HSP90B1: variants seen among roughly 807,000 people sequenced by gnomAD.
The protein encoded by HSP90B1 is heat shock protein 90 beta family member 1, also known as endoplasmin.
Under a neutral mutation model 100.4 loss-of-function variants are expected in HSP90B1, and 27 were observed. The ratio of observed to expected loss-of-function variants is 0.27; its 90% CI spans 0.20 to 0.37. HSP90B1 has a LOEUF of 0.37. HSP90B1 is among the 10% of genes least tolerant of loss of function. The pLI, the probability that HSP90B1 is intolerant of heterozygous loss-of-function variation, is 1.00. For synonymous variants in HSP90B1, 304 were observed against 330.8 expected (o/e 0.92, Z 0.88); for missense variants, 678 against 960.5 (o/e 0.71, Z 3.89).
chr12:103,932,447 T>A (rs1191741932), intron 3 of HSP90B1, 29 bp downstream of exon 3: 1 of 1,583,128 alleles, frequency 6.3e-7, no homozygotes, highest in Non-Finnish European at 8.6e-7. Flanking sequence ...GAATATTTTA[T>A]CTCTGTATGG....
rs750473424 is a variant in HSP90B1 at position 103,943,770 on chromosome 12, A to C, written c.1923A>C (p.Thr641=). The stretch of plus-strand genomic sequence containing the variant: ...AGGCTGTGGTGTCTCAGCGCCTGAC[A>C]GAATCTCCGTGTGCTTTGGTGGCCA... ...IEKAVVSQRL[T]ESPCALVASQ... is the part of the protein sequence containing the mutation. Residue 641 remains threonine, a synonymous_variant, in exon 14 of 18, where the codon ACA becomes ACC. Transcript: ENST00000299767. This position sits in a 1 kb window ranked among gnomAD's most constrained non-coding sequence, Gnocchi z 5.3. The C allele has an allele frequency of 6.2e-7, 1 of 1,614,098 alleles. No homozygotes were observed. Among genetic ancestry groups the C allele is most frequent in the Non-Finnish European group, 8.5e-7 (1 of 1,180,004 alleles).
At position 103,941,399 on chromosome 12, in the gene HSP90B1, A is replaced by G. The variant is rs377333081; in HGVS notation, c.1093-11A>G. ...TGTCGTTTGAATGACTAAGATACCA[A>G]CTTTCCACAGGAAAGTGATGACCCC... On this transcript the variant is annotated splice_polypyrimidine_tract_variant and intron_variant, in intron 8 of 17. Transcript: ENST00000299767. 457 of 1,611,384 alleles carry G rather than the reference A, an allele frequency of 2.8e-4. 2 individuals carry two copies. Among genetic ancestry groups the G allele is most frequent in the Admixed American group, 4.3e-4 (26 of 59,918 alleles).
At chr12:103,931,732 C>G (rs1022927573) in intron 2 of HSP90B1, 109 bp downstream of exon 2, 9 of 799,662 alleles carry the variant, frequency 1.1e-5, no homozygotes, top group Non-Finnish European at 1.9e-5. Context: ...GTCTAACACC[C>G]TGTATTTAAA....
At position 103,930,484 on chromosome 12, in the gene HSP90B1, G is replaced by A; in HGVS notation, c.-32G>A. ...GGGGGTGGAGGCGGCTCCTGCGATCGAAGGGGACTTGAGACTCACCGGCCG... is the reference window on the plus strand; with the variant it reads ...GGGGGTGGAGGCGGCTCCTGCGATCAAAGGGGACTTGAGACTCACCGGCCG... On this transcript the variant is annotated 5_prime_UTR_variant, in exon 1 of 18. Transcript: ENST00000299767. This position sits in a 1 kb window ranked among gnomAD's most constrained non-coding sequence, Gnocchi z 4.4. The A allele has an allele frequency of 6.3e-7, 1 of 1,588,102 alleles. No individual in the cohort carries two copies. Among genetic ancestry groups the A allele is most frequent in the Non-Finnish European group, 8.6e-7 (1 of 1,166,862 alleles).
chr12:103,942,501 A>C (rs1307510589), intron 11 of HSP90B1, 26 bp from the exon 12 acceptor site: 4 of 1,606,634 alleles, frequency 2.5e-6, no homozygotes, highest in Non-Finnish European at 2.6e-6. Context: ...AACTTCTCTA[A>C]TCAGTTATTC....
intron 11 of HSP90B1, 102 bp from the exon 12 acceptor site, chr12:103,942,425 A>T: frequency 9.6e-7 from 1 of 1,043,068 alleles, no homozygotes; most frequent in Non-Finnish European, 1.4e-6. Context: ...AATGGCAATA[A>T]CGATATCGTC....
chr12:103,936,384 A>G (rs911252878), intron 5 of HSP90B1, among the ~76,000 whole-genome samples: 1 of 152,136 alleles, frequency 6.6e-6, no homozygotes, highest in African/African-American at 2.4e-5. Flanking sequence ...GCTCATCCCT[A>G]TAATCCCAGC....
Position 103,934,195 on chromosome 12 carries a change from C to T in HSP90B1, c.651C>T (p.Asn217=), listed in dbSNP as rs373905083. 77 of 1,614,060 alleles carry T rather than the reference C, an allele frequency of 4.8e-5. No homozygotes were observed. The highest frequency in any genetic ancestry group is 3.6e-4 in the African/African-American group (27 of 74,930). ...DKVIVTSKHN[N]DTQHIWESDS... ...TTATTGTCACTTCAAAACACAACAACGATACCCAGCACATCTGGGAGTCTG... is the reference window on the plus strand; with the variant it reads ...TTATTGTCACTTCAAAACACAACAATGATACCCAGCACATCTGGGAGTCTG... Residue 217 remains asparagine, a synonymous_variant, in exon 5 of 18, where the codon AAC becomes AAT. Transcript: ENST00000299767.
intron 14 of HSP90B1, among the ~76,000 whole-genome samples, 161 bp downstream of exon 14, chr12:103,944,035 TTTGA>T (rs1198756782): frequency 6.6e-6 from 1 of 152,118 alleles, no homozygotes; most frequent in African/African-American, 2.4e-5. Context: ...TTCTCCTACA[TTTGA>T]TTGAGAAAGA....
chr12:103,937,893 G>A (rs993927252), intron 6 of HSP90B1, 87 bp downstream of exon 6: 6 of 695,032 alleles, frequency 8.6e-6, no homozygotes, highest in South Asian at 3.6e-5. Context: ...GCAGGCCGGC[G>A]CGGTGGCTCA....
At chr12:103,941,100 C>G (rs565321501) in intron 8 of HSP90B1, among the ~76,000 whole-genome samples, 1 of 152,306 alleles carries the variant, frequency 6.6e-6, no homozygotes, top group Admixed American at 6.5e-5. Context: ...TTCCTATTCA[C>G]TTCTCTCATA....
intron 15 of HSP90B1, 21 bp downstream of exon 15, chr12:103,946,717 T>C: frequency 6.2e-7 from 1 of 1,612,256 alleles, no homozygotes. Context: ...AGCAGTCCTC[T>C]TGCTTGTCTT....
At chr12:103,931,242 G>A (rs1488458667) in intron 1 of HSP90B1, among the ~76,000 whole-genome samples, 1 of 152,142 alleles carries the variant, frequency 6.6e-6, no homozygotes, top group African/African-American at 2.4e-5. Context: ...AAGAGGCCTG[G>A]TATCAGTCTG....
chr12:103,933,510 C>G (rs1869824866), intron 4 of HSP90B1, among the ~76,000 whole-genome samples: 1 of 152,244 alleles, frequency 6.6e-6, no homozygotes, highest in Non-Finnish European at 1.5e-5. Context: ...CTTAGCCATT[C>G]TTAAATGGAA....
chr12:103,938,954 T>C (rs1869998400), intron 7 of HSP90B1, among the ~76,000 whole-genome samples: 1 of 152,242 alleles, frequency 6.6e-6, no homozygotes, highest in Admixed American at 6.5e-5. Context: ...ACATTTTTGC[T>C]AGTTAAAAAA....
Position 103,947,076 on chromosome 12 carries a change from G to C in HSP90B1, c.2262+135G>C, listed in dbSNP as rs1870257335. ...TTCTACCTTTTGAAAGAATTTTATT[G>C]AATGTTTGAATCCCTGTAGTGTCAG... On this transcript the variant is annotated intron_variant, in intron 16 of 17. Transcript: ENST00000299767. 8 of 1,094,298 alleles carry C rather than the reference G, an allele frequency of 7.3e-6. No individual in the cohort carries two copies. In the Admixed American group the frequency reaches 1.3e-4, roughly 18 times the overall value. 67.8% of individuals were successfully genotyped at this position (1,094,298 alleles called of 1,614,324 possible).
intron 5 of HSP90B1, among the ~76,000 whole-genome samples, chr12:103,934,639 A>G (rs911562807): frequency 6.6e-6 from 1 of 152,250 alleles, no homozygotes; most frequent in Non-Finnish European, 1.5e-5. Context: ...GAGGCATAGC[A>G]TGCTCACTAG....
At position 103,932,049 on chromosome 12, in the gene HSP90B1, A is replaced by ATTT; in HGVS notation, c.153-219_153-217dup. 19 of 412,832 alleles carry ATTT rather than the reference A, an allele frequency of 4.6e-5. No individual in the cohort carries two copies. In the South Asian group the frequency reaches 5.0e-4, roughly 11 times the overall value. The allele number at this position is 412,832 out of a possible 1,614,324, so 25.6% of individuals were successfully genotyped here. On this transcript the variant is annotated intron_variant, in intron 2 of 17. Transcript: ENST00000299767. Reference sequence around the variant, plus strand: ...TGCTTTTTAGTAGAGGAAAGTTGGGATTTTTTTTTTTCTGGCAATTTTAAG... The same window carrying ATTT: ...TGCTTTTTAGTAGAGGAAAGTTGGGATTTTTTTTTTTTTTCTGGCAATTTTAAG...
At chr12:103,934,323 C>A in intron 5 of HSP90B1, 36 bp downstream of exon 5, 1 of 1,497,560 alleles carries the variant, frequency 6.7e-7, no homozygotes, top group South Asian at 1.2e-5. Context: ...AATTAATAGT[C>A]ATGGTGAGGA....
Sources: gnomAD v4.1 joint callset for allele counts (sites outside exome capture counted in the v4.1 genomes callset) on GRCh38, gnomAD v4.1.1 for gene constraint, Gnocchi (gnomAD v3.1) non-coding constraint, MANE v1.5 for transcripts, NCBI Gene and HGNC (gene_info 2026-07-23, HGNC 2026-07-21) for gene names.